ATP2C1: variants seen among roughly 807,000 people sequenced by gnomAD.
ATP2C1 encodes ATPase secretory pathway Ca2+ transporting 1.
A neutral mutation model predicts 120.5 loss-of-function variants in ATP2C1; 31 were observed. That is an observed-to-expected ratio of 0.26 (90% confidence interval 0.19 to 0.35). The LOEUF (loss-of-function observed/expected upper bound fraction) is 0.35, where lower values mean the gene tolerates loss of function less well. Ranked by LOEUF, ATP2C1 falls within the 10% of genes least tolerant of loss-of-function variation. The pLI is 1.00. For missense variants in ATP2C1, 731 were observed against 1,107.5 expected, an observed-to-expected ratio of 0.66 and a Z score of 4.83; for synonymous variants, 351 against 358.7, an observed-to-expected ratio of 0.98 and a Z score of 0.24.
intron 20 of ATP2C1, among the ~76,000 whole-genome samples, chr3:130,986,097 G>A (rs1323678830): frequency 6.6e-6 from 1 of 151,884 alleles, no homozygotes; most frequent in Non-Finnish European, 1.5e-5. Flanking sequence ...GATGACTGTT[G>A]GGATCACTGC....
intron 2 of ATP2C1, among the ~76,000 whole-genome samples, chr3:130,898,423 A>C (rs1408685268): frequency 1.3e-5 from 2 of 152,306 alleles, no homozygotes; most frequent in East Asian, 1.9e-4. Context: ...AGCCACCTTA[A>C]TTTTATTCCT....
intron 26 of ATP2C1, among the ~76,000 whole-genome samples, chr3:131,009,996 A>G (rs2063257060): frequency 6.6e-6 from 1 of 152,082 alleles, no homozygotes; most frequent in South Asian, 2.1e-4. Context: ...CTGCTCAGGT[A>G]AATGGTACAC....
intron 1 of ATP2C1, among the ~76,000 whole-genome samples, chr3:130,869,631 A>G (rs1606490): frequency 0.9 from 137,581 of 152,160 alleles, 62,434 homozygotes; most frequent in Non-Finnish European, 0.95. Context: ...TATTTTTGCT[A>G]ATGTGCAGGA....
Position 130,894,856 on chromosome 3 carries a change from CT to C in ATP2C1, c.6+86del. The C allele has an allele frequency of 1.4e-6, 2 of 1,380,566 alleles. No individual in the cohort carries two copies. Among genetic ancestry groups the C allele is most frequent in the Non-Finnish European group, 2.1e-6 (2 of 967,298 alleles). The allele number at this position is 1,380,566 out of a possible 1,614,324, so 85.5% of individuals were successfully genotyped here. Reference sequence around the variant, plus strand: ...TTTTAAGTTGTCTTTGTTTTTCCACCTTTTTATTTTCGTGAGCTTATTTATT... The same window carrying C: ...TTTTAAGTTGTCTTTGTTTTTCCACCTTTTATTTTCGTGAGCTTATTTATT... On this transcript the variant is annotated intron_variant, in intron 2 of 27. Transcript: ENST00000510168. This position sits in a 1 kb window ranked among gnomAD's most constrained non-coding sequence, Gnocchi z 4.5.
At chr3:130,890,141 G>C (rs193039696), upstream of ATP2C1, among the ~76,000 whole-genome samples, 10 of 152,188 alleles carry the variant, frequency 6.6e-5, no homozygotes, top group Non-Finnish European at 1.3e-4. Flanking sequence ...TTTGGGGCCA[G>C]AGGTGAATTA....
chr3:130,887,958 TCA>T (rs1246246210), intron 1 of ATP2C1, among the ~76,000 whole-genome samples: 3 of 152,208 alleles, frequency 2.0e-5, no homozygotes, highest in Admixed American at 6.5e-5. Context: ...AAGACACGTC[TCA>T]GAGTCTCACC....
chr3:130,884,934 T>TTC (rs1412772159), intron 1 of ATP2C1, among the ~76,000 whole-genome samples: 3 of 147,612 alleles, frequency 2.0e-5, no homozygotes, highest in Admixed American at 6.7e-5. Context: ...TTCTTTCTTT[T>TTC]TTTTTTTTTT....
chr3:130,950,710 A>G (rs1056797077), intron 8 of ATP2C1, among the ~76,000 whole-genome samples: 8 of 152,138 alleles, frequency 5.3e-5, no homozygotes, highest in Admixed American at 3.3e-4. Context: ...TTATAATGAT[A>G]TAGGAAAAAA....
At chr3:130,869,669 A>C (rs1373050378) in intron 1 of ATP2C1, among the ~76,000 whole-genome samples, 1 of 152,242 alleles carries the variant, frequency 6.6e-6, no homozygotes, top group Admixed American at 6.5e-5. Context: ...TACAAGACCA[A>C]ACCAGGCATA....
rs550332460 is a variant in ATP2C1 at position 130,982,482 on chromosome 3, A to G, written c.1839+1803A>G. ...TTGTGGATACCCAGGTCCCATAGGA[A>G]GTGCCCCATAAGAGGTGGGCAGCAG... On this transcript the variant is annotated intron_variant, in intron 20 of 27. Transcript: ENST00000510168. Among the ~76,000 whole-genome samples the G allele has an allele frequency of 1.3e-4, 20 of 152,322 alleles. No homozygotes were observed. The South Asian group carries it at 2.1e-3, about 16-fold the overall frequency.
intron 11 of ATP2C1, among the ~76,000 whole-genome samples, chr3:130,957,750 A>G (rs1358374467): frequency 6.6e-6 from 1 of 152,036 alleles, no homozygotes; most frequent in Non-Finnish European, 1.5e-5. Context: ...ACGGGATTTT[A>G]CCACATTGGC....
chr3:130,947,806 G>A (rs1002899663), intron 8 of ATP2C1, among the ~76,000 whole-genome samples: 2 of 150,662 alleles, frequency 1.3e-5, no homozygotes, highest in Non-Finnish European at 3.0e-5. Context: ...GATTTTTTTT[G>A]ATGTACCTTT....
intron 1 of ATP2C1, among the ~76,000 whole-genome samples, chr3:130,878,495 A>AT (rs1171616365): frequency 6.6e-6 from 1 of 152,024 alleles, no homozygotes; most frequent in Non-Finnish European, 1.5e-5. Context: ...ATTTTACACT[A>AT]TTGTGTGTTT....
At chr3:130,868,070 G>C (rs1186108014) in intron 1 of ATP2C1, 2 of 150,340 alleles carry the variant, frequency 1.3e-5, no homozygotes, top group African/African-American at 4.9e-5. Context: ...ACCCCGTCTG[G>C]GAAGTGAGGA....
At chr3:130,877,767 A>C (rs180910661) in intron 1 of ATP2C1, among the ~76,000 whole-genome samples, 1 of 152,050 alleles carries the variant, frequency 6.6e-6, no homozygotes, top group African/African-American at 2.4e-5. Context: ...ATATCATTTG[A>C]CCTAGCCATC....
chr3:131,013,848 TTCAAACA>T, intron 26 of ATP2C1: 1 of 477,486 alleles, frequency 2.1e-6, no homozygotes, highest in Non-Finnish European at 3.7e-6. Context: ...TAAACATGGT[TTCAAACA>T]TATTTAGAAA....
In ATP2C1 at chr3:130,953,996, T is replaced by G; in HGVS notation, c.687+20T>G. 1 of 1,613,356 alleles carries G rather than the reference T, an allele frequency of 6.2e-7. No individual in the cohort carries two copies. The highest frequency in any genetic ancestry group is 2.2e-5 in the East Asian group (1 of 44,850). ...GCAAAGGTAAATTTTTTTCCTGATT[T>G]GAAAAAAGCAGTTCCTTTGTTTGAA... On this transcript the variant is annotated intron_variant, in intron 9 of 27. Transcript: ENST00000510168.
intron 26 of ATP2C1, chr3:131,014,138 A>G (rs1488762852): frequency 1.2e-6 from 2 of 1,612,702 alleles, no homozygotes; most frequent in African/African-American, 1.3e-5. Context: ...CCTCATACCA[A>G]CACTTGGTGT....
chr3:130,902,798 A>ACTTTATTTTGTAAGGTGTTGAATATTCC (rs1459546535), intron 2 of ATP2C1, among the ~76,000 whole-genome samples: 1 of 151,134 alleles, frequency 6.6e-6, no homozygotes, highest in Non-Finnish European at 1.5e-5. Flanking sequence ...GTGTCTTTTT[A>ACTTTATTTTGTAAGGTGTTGAATATTCC]CTTTATTTTG....
Sources: gnomAD v4.1 joint callset for allele counts (sites outside exome capture counted in the v4.1 genomes callset) on GRCh38, gnomAD v4.1.1 for gene constraint, Gnocchi (gnomAD v3.1) non-coding constraint, MANE v1.5 for transcripts, NCBI Gene and HGNC (gene_info 2026-07-23, HGNC 2026-07-21) for gene names.